The following CBLB variants were observed in gnomAD, a reference collection of about 807,000 sequenced individuals.
CBLB encodes the protein E3 ubiquitin-protein ligase CBL-B.
CBLB carries 31 observed loss-of-function variants against 104.9 expected under a neutral mutation model. The observed-to-expected ratio is 0.30, with a 90% CI of 0.22 to 0.40. The LOEUF (loss-of-function observed/expected upper bound fraction) is 0.40. Among genes scored for constraint, CBLB ranks in the 10% least tolerant of loss-of-function variants. The pLI is 1.00. For missense variants in CBLB, 1,062 were observed against 1,214.6 expected, an observed-to-expected ratio of 0.87 and a Z score of 1.87; for synonymous variants, 440 against 422.6, an observed-to-expected ratio of 1.04 and a Z score of -0.51.
intron 2 of CBLB, among the ~76,000 whole-genome samples, chr3:105,865,681 T>G (rs1208586110): frequency 6.6e-6 from 1 of 152,186 alleles, no homozygotes; most frequent in Admixed American, 6.5e-5. Context: ...AAATAATGAT[T>G]TTATAGTAAC....
chr3:105,867,952 T>TC (rs2092528492), intron 1 of CBLB, among the ~76,000 whole-genome samples: 1 of 151,546 alleles, frequency 6.6e-6, no homozygotes, highest in Non-Finnish European at 1.5e-5. Flanking sequence ...GTTCTTCCCC[T>TC]CCTGCCTTAA....
chr3:105,658,942 T>C lies in CBLB; in HGVS notation c.*28A>G. ...CACTCTTGGAATACATCGATTGCTT[T>C]CCATTTTGGTGTCTACAGTTCTGGC... On this transcript the variant is annotated 3_prime_UTR_variant, in exon 19 of 19. Coordinates refer to ENST00000394030, the MANE Select transcript of CBLB (RefSeq NM_170662.5). 5 of 1,611,582 alleles carry C rather than the reference T, an allele frequency of 3.1e-6. No individual in the cohort carries two copies. Among genetic ancestry groups the C allele is most frequent in the South Asian group, 1.1e-5 (1 of 91,014 alleles).
chr3:105,674,389 A>C (rs72993714), intron 17 of CBLB, among the ~76,000 whole-genome samples: 135 of 152,394 alleles, frequency 8.9e-4, no homozygotes, highest in African/African-American at 2.9e-3. Flanking sequence ...GGATCCAAGA[A>C]TAAAACTTCC....
chr3:105,801,638 G>C lies in CBLB; in HGVS notation c.420-25096C>G, dbSNP rs181866541. ...ACTGTGGTACAGCAAACAGCTAGGG[G>C]ACTTCCTAAAACAGGCTGGGCCTTG... On this transcript the variant is annotated intron_variant, in intron 3 of 18. Transcript: ENST00000394030. 8.5e-4 allele frequency among the ~76,000 whole-genome samples: 130 copies of C among 152,300 alleles called. 1 individual carries two copies. Among genetic ancestry groups the C allele is most frequent in the African/African-American group, 3.0e-3 (126 of 41,560 alleles).
At chr3:105,824,564 A>G (rs977734757) in intron 3 of CBLB, among the ~76,000 whole-genome samples, 1 of 152,034 alleles carries the variant, frequency 6.6e-6, no homozygotes, top group Non-Finnish European at 1.5e-5. Context: ...GCGAATTGCA[A>G]TCTCCCCACT....
intron 3 of CBLB, among the ~76,000 whole-genome samples, chr3:105,813,966 G>A (rs1481505115): frequency 6.6e-6 from 1 of 152,142 alleles, no homozygotes; most frequent in Non-Finnish European, 1.5e-5. Flanking sequence ...TAATAAGAAA[G>A]ATCGTAGGAC....
At chr3:105,678,209 A>G (rs2065881468) in intron 17 of CBLB, among the ~76,000 whole-genome samples, 1 of 152,148 alleles carries the variant, frequency 6.6e-6, no homozygotes, top group South Asian at 2.1e-4. Context: ...CATCATTTCT[A>G]CTGTAGTTCC....
At chr3:105,820,585 G>A (rs1440543647) in intron 3 of CBLB, among the ~76,000 whole-genome samples, 1 of 152,056 alleles carries the variant, frequency 6.6e-6, no homozygotes, top group African/African-American at 2.4e-5. Flanking sequence ...TAGTGACTAA[G>A]GAAAATAACT....
intron 7 of CBLB, 133 bp downstream of exon 7, chr3:105,740,361 C>T (rs2075402855): frequency 2.3e-6 from 2 of 878,654 alleles, no homozygotes; most frequent in African/African-American, 1.7e-5. Flanking sequence ...GAACAAAAAA[C>T]TAAGGAACAT....
chr3:105,838,141 G>A (rs531498563), intron 3 of CBLB, among the ~76,000 whole-genome samples: 6 of 138,232 alleles, frequency 4.3e-5, no homozygotes, highest in East Asian at 2.1e-4. Flanking sequence ...GGAGTGCAGC[G>A]CCATGACCTC....
intron 3 of CBLB, among the ~76,000 whole-genome samples, chr3:105,811,099 T>C (rs2084230307): frequency 6.6e-6 from 1 of 152,180 alleles, no homozygotes; most frequent in Non-Finnish European, 1.5e-5. Flanking sequence ...TAAAGAGTAT[T>C]TTTCAGGAAA....
chr3:105,814,455 T>TA (rs1341636313), intron 3 of CBLB, among the ~76,000 whole-genome samples: 1 of 152,184 alleles, frequency 6.6e-6, no homozygotes, highest in South Asian at 2.1e-4. Context: ...GCTACAAAAC[T>TA]AAAATTGTTT....
At chr3:105,825,514 G>A (rs1464481939) in intron 3 of CBLB, among the ~76,000 whole-genome samples, 2 of 152,224 alleles carry the variant, frequency 1.3e-5, no homozygotes, top group Non-Finnish European at 2.9e-5. Flanking sequence ...GTCAGGCTCA[G>A]TAACTCATAA....
chr3:105,783,260 T>C (rs1324992142), intron 3 of CBLB, among the ~76,000 whole-genome samples: 2 of 130,740 alleles, frequency 1.5e-5, no homozygotes, highest in Non-Finnish European at 3.5e-5. Flanking sequence ...GACATGTAGG[T>C]AAGACCCTGA....
chr3:105,776,995 G>C (rs938629212), intron 3 of CBLB, among the ~76,000 whole-genome samples: 1 of 151,996 alleles, frequency 6.6e-6, no homozygotes, highest in African/African-American at 2.4e-5. Context: ...GGAGAGAAAG[G>C]GAGGATGCAG....
intron 3 of CBLB, among the ~76,000 whole-genome samples, chr3:105,839,874 G>A (rs1015969098): frequency 6.6e-6 from 1 of 152,218 alleles, no homozygotes; most frequent in Admixed American, 6.5e-5. Flanking sequence ...CAATTGTAAT[G>A]AGAACAAACT....
chr3:105,824,779 G>A (rs1018875522), intron 3 of CBLB, among the ~76,000 whole-genome samples: 2 of 152,060 alleles, frequency 1.3e-5, no homozygotes, highest in Non-Finnish European at 2.9e-5. Flanking sequence ...GGGCATTCAC[G>A]AAAGGGGAGC....
intron 2 of CBLB, among the ~76,000 whole-genome samples, chr3:105,856,823 C>G (rs1017723132): frequency 6.6e-6 from 1 of 152,048 alleles, no homozygotes; most frequent in Admixed American, 6.6e-5. Flanking sequence ...TTTTTTACCC[C>G]CTTTTTAATA....
chr3:105,758,180 G>A (rs2077253489), intron 4 of CBLB, among the ~76,000 whole-genome samples: 1 of 151,928 alleles, frequency 6.6e-6, no homozygotes, highest in Admixed American at 6.6e-5. Flanking sequence ...TATCAATAAG[G>A]GAAAAGCAAT....
Sources: allele counts gnomAD v4.1 joint callset (sites outside exome capture counted in the v4.1 genomes callset), GRCh38; gene constraint gnomAD v4.1.1; transcripts MANE v1.5; gene names NCBI Gene and HGNC (gene_info 2026-07-23, HGNC 2026-07-21).